The following ZFP14 variants were observed in gnomAD, a reference collection of about 807,000 sequenced individuals.
ZFP14 encodes the protein zinc finger protein 14 homolog.
Under a neutral mutation model 54.5 loss-of-function variants are expected in ZFP14, and 22 were observed. The observed-to-expected ratio is 0.40, with a 90% CI of 0.29 to 0.58. ZFP14 has a LOEUF of 0.58. Among genes scored for constraint, ZFP14 ranks in the 20% least tolerant of loss-of-function variants. The pLI is 0.39. For synonymous variants in ZFP14, 159 were observed against 204.0 expected, an observed-to-expected ratio of 0.78 and a Z score of 1.88; for missense variants, 470 against 637.8, an observed-to-expected ratio of 0.74 and a Z score of 2.83.
At chr19:36,349,234 A>G (rs2031475142) in intron 4 of ZFP14, among the ~76,000 whole-genome samples, 1 of 46,028 alleles carries the variant, frequency 2.2e-5, no homozygotes. Flanking sequence ...TCTGTCTCAA[A>G]AAAAAAAACA....
chr19:36,340,213 G>C lies in ZFP14; in HGVS notation c.*11C>G. On this transcript the variant is annotated 3_prime_UTR_variant, in exon 5 of 5. Transcript: ENST00000270001. The surrounding 1 kb of genome is among the most constrained non-coding windows in gnomAD (Gnocchi z 5.4). The stretch of plus-strand genomic sequence containing the variant: ...TCTGTAACATCATATACATTTGAAG[G>C]CTTTCTTCTATTAAATTCCATTATG... The C allele has an allele frequency of 1.3e-6, 2 of 1,544,858 alleles. No homozygotes were observed. Among genetic ancestry groups the C allele is most frequent in the Non-Finnish European group, 1.7e-6 (2 of 1,147,878 alleles).
chr19:36,369,975 T>C (rs1046273063), intron 1 of ZFP14, among the ~76,000 whole-genome samples: 1 of 152,156 alleles, frequency 6.6e-6, no homozygotes, highest in African/African-American at 2.4e-5. Flanking sequence ...GTTGGGACTA[T>C]AGTTGGGCAC....
chr19:36,340,677 T>G lies in ZFP14; in HGVS notation c.1149A>C (p.Leu383=). Residue 383 remains leucine (L), a synonymous_variant, in exon 5 of 5, where the codon CTA becomes CTC. Transcript: ENST00000270001. The surrounding 1 kb of genome is among the most constrained non-coding windows in gnomAD (Gnocchi z 5.4). Reference sequence around the variant, plus strand: ...GAGTATGTATTCTCTGATGGCGAACTAGTTGTTGTCTTAATCTAAAAGTCT... The same window carrying G: ...GAGTATGTATTCTCTGATGGCGAACGAGTTGTTGTCTTAATCTAAAAGTCT... ...CGKTFRLRQQ[L]VRHQRIHTRE... is the part of the protein sequence containing the mutation. 1 of 1,613,642 alleles carries G rather than the reference T, an allele frequency of 6.2e-7. No individual in the cohort carries two copies. Among genetic ancestry groups the G allele is most frequent in the South Asian group, 1.1e-5 (1 of 91,060 alleles).
chr19:36,354,713 C>G lies in ZFP14; in HGVS notation c.235+5722G>C, dbSNP rs2031585705. ...TCTACTTGCCAACTTCCATTCTCAC[C>G]CAGGCTGGAATGCAGCAGCGCGATC... On this transcript the variant is annotated intron_variant, in intron 4 of 4. Transcript: ENST00000270001. 1.2e-4 allele frequency among the ~76,000 whole-genome samples: 17 copies of G among 142,868 alleles called. No homozygotes were observed. In the Admixed American group the frequency reaches 1.2e-3, roughly 10 times the overall value. 93.7% of individuals were successfully genotyped at this position (142,868 alleles called of 152,430 possible). A position where few individuals can be genotyped will look rare whatever the true frequency, so the allele number is the denominator to read the frequency against.
At chr19:36,348,685 C>T (rs543587563) in intron 4 of ZFP14, among the ~76,000 whole-genome samples, 3 of 152,174 alleles carry the variant, frequency 2.0e-5, no homozygotes, top group East Asian at 1.9e-4. Context: ...TTGGTAGAGA[C>T]GGTTTCATCA....
chr19:36,351,736 G>A lies in ZFP14; in HGVS notation c.235+8699C>T, dbSNP rs140438765. On this transcript the variant is annotated intron_variant, in intron 4 of 4. Coordinates refer to ENST00000270001, the MANE Select transcript of ZFP14 (RefSeq NM_020917.3). ...TAGCCGGGCATGGTGGTGTGTACCC[G>A]TAGTCCTACCTACCCAAGAGGCTGA... Among the ~76,000 whole-genome samples the A allele has an allele frequency of 3.9e-3, 544 of 141,226 alleles. 69 individuals are homozygous for A. The highest frequency in any genetic ancestry group is 0.013 in the African/African-American group (505 of 38,488). 92.6% of individuals were successfully genotyped at this position (141,226 alleles called of 152,430 possible).
chr19:36,339,841 T>G lies in ZFP14; in HGVS notation c.*383A>C. The G allele has an allele frequency of 6.2e-6, 1 of 161,108 alleles. No homozygotes were observed. Among genetic ancestry groups the G allele is most frequent in the Admixed American group, 6.0e-5 (1 of 16,702 alleles). 10.0% of individuals were successfully genotyped at this position (161,108 alleles called of 1,614,324 possible). A position where few individuals can be genotyped will look rare whatever the true frequency, so the allele number is the denominator to read the frequency against. On this transcript the variant is annotated 3_prime_UTR_variant, in exon 5 of 5. Coordinates refer to ENST00000270001, the MANE Select transcript of ZFP14 (RefSeq NM_020917.3). Reference sequence around the variant, plus strand: ...TTATAAGATATAATTATATGTTATTTTATGCTACTAAGTCTGTGGTAATTT... The same window carrying G: ...TTATAAGATATAATTATATGTTATTGTATGCTACTAAGTCTGTGGTAATTT...
At chr19:36,363,193 T>TC (rs1440875803) in intron 2 of ZFP14, among the ~76,000 whole-genome samples, 180 of 134,166 alleles carry the variant, frequency 1.3e-3, no homozygotes, top group African/African-American at 4.7e-3. Context: ...TCTTTTCTTT[T>TC]TTTTTTTTTT....
chr19:36,352,670 G>A (rs1336992001), intron 4 of ZFP14, among the ~76,000 whole-genome samples: 2 of 141,906 alleles, frequency 1.4e-5, no homozygotes, highest in Non-Finnish European at 1.6e-5. Context: ...GGCTGGGCGC[G>A]GTGGCTCACA....
At chr19:36,361,996 G>T in intron 3 of ZFP14, 116 bp downstream of exon 3, 1 of 1,317,816 alleles carries the variant, frequency 7.6e-7, no homozygotes, top group Non-Finnish European at 1.0e-6. Flanking sequence ...GTTCCAACCT[G>T]ACAAAGCTTA....
chr19:36,366,091 C>A (rs892172260), intron 2 of ZFP14, among the ~76,000 whole-genome samples: 3 of 151,576 alleles, frequency 2.0e-5, no homozygotes, highest in African/African-American at 7.3e-5. Context: ...ATGGTGAAAC[C>A]CCGTCTCTAC....
chr19:36,355,120 C>T lies in ZFP14; in HGVS notation c.235+5315G>A, dbSNP rs2031592445. On this transcript the variant is annotated intron_variant, in intron 4 of 4. Coordinates refer to ENST00000270001, the MANE Select transcript of ZFP14 (RefSeq NM_020917.3). The stretch of plus-strand genomic sequence containing the variant: ...ACATCTGCTCCACTGGTGTCCAGCA[C>T]AACACCTAGTTCCAACTAGGCACTC... Among the ~76,000 whole-genome samples the T allele has an allele frequency of 1.4e-5, 2 of 143,758 alleles. 1 individual carries two copies. The highest frequency in any genetic ancestry group is 4.4e-4 in the South Asian group (2 of 4,580). The allele number at this position is 143,758 out of a possible 152,430, so 94.3% of individuals were successfully genotyped here. A position where few individuals can be genotyped will look rare whatever the true frequency, so the allele number is the denominator to read the frequency against.
chr19:36,341,789 C>T lies in ZFP14; in HGVS notation c.236-199G>A, dbSNP rs561460852. On this transcript the variant is annotated intron_variant, in intron 4 of 4. Transcript: ENST00000270001. The surrounding 1 kb of genome is among the most constrained non-coding windows in gnomAD (Gnocchi z 4.2). ...TGTACCTAAAAAACCTTATCTTCTA[C>T]AAAAGTACACACTAAAAATTACTGT... Among the ~76,000 whole-genome samples, 1 of 152,210 alleles carries T rather than the reference C, an allele frequency of 6.6e-6. No homozygotes were observed. Among genetic ancestry groups the T allele is most frequent in the South Asian group, 2.1e-4 (1 of 4,826 alleles).
chr19:36,339,120 T>G lies in ZFP14; in HGVS notation c.*1104A>C, dbSNP rs1009839152. 4 of 152,182 alleles carry G rather than the reference T, an allele frequency of 2.6e-5. No homozygotes were observed. Among genetic ancestry groups the G allele is most frequent in the Non-Finnish European group, 5.9e-5 (4 of 68,030 alleles). 9.4% of individuals were successfully genotyped at this position (152,182 alleles called of 1,614,324 possible). A position where few individuals can be genotyped will look rare whatever the true frequency, so the allele number is the denominator to read the frequency against. ...GAAGAACTTCCTACATTCACTACAATCTAAATTTTACCTAGAATAAATTAT... is the reference window on the plus strand; with the variant it reads ...GAAGAACTTCCTACATTCACTACAAGCTAAATTTTACCTAGAATAAATTAT... On this transcript the variant is annotated 3_prime_UTR_variant, in exon 5 of 5. Transcript: ENST00000270001.
chr19:36,341,231 G>A lies in ZFP14; in HGVS notation c.595C>T (p.Pro199Ser). ...TGCCCACATTCCTTACACTTATAAG[G>A]TTTCTCACCAGTATGAATTCTCAGG... is the stretch of plus-strand genomic sequence containing the variant. ...QHLRIHTGEK[P>S]YKCKECGQAF... The change falls in exon 5 of 5, where the codon CCT becomes TCT. Residue 199 changes from proline to serine, a missense_variant. Pro to Ser is a moderately conservative substitution (Grantham distance 74, BLOSUM62 -1). Coordinates refer to ENST00000270001, the MANE Select transcript of ZFP14 (RefSeq NM_020917.3). The surrounding 1 kb of genome is among the most constrained non-coding windows in gnomAD (Gnocchi z 4.2). 6.2e-7 allele frequency: 1 copy of A among 1,614,150 alleles called. No homozygotes were observed. Among genetic ancestry groups the A allele is most frequent in the South Asian group, 1.1e-5 (1 of 91,086 alleles).
At position 36,336,967 on chromosome 19, in the gene ZFP14, C is replaced by T. The variant is rs1277304736; in HGVS notation, c.*3257G>A. The T allele has an allele frequency of 6.6e-6, 1 of 151,994 alleles. No homozygotes were observed. Among genetic ancestry groups the T allele is most frequent in the Non-Finnish European group, 1.5e-5 (1 of 67,982 alleles). 9.4% of individuals were successfully genotyped at this position (151,994 alleles called of 1,614,324 possible). ...CTCTCTTTGCCAATTATTTCTTTTG[C>T]TAGAATATTTTAATCCAAATGTGTC... On this transcript the variant is annotated 3_prime_UTR_variant, in exon 5 of 5. Coordinates refer to ENST00000270001, the MANE Select transcript of ZFP14 (RefSeq NM_020917.3).
intron 1 of ZFP14, among the ~76,000 whole-genome samples, chr19:36,371,488 G>C (rs779312701): frequency 1.3e-5 from 2 of 152,038 alleles, no homozygotes; most frequent in Non-Finnish European, 2.9e-5. Flanking sequence ...ACCAAGCAGA[G>C]GAATGAATCT....
At position 36,367,970 on chromosome 19, in the gene ZFP14, A is replaced by C; in HGVS notation, c.-78T>G. On this transcript the variant is annotated splice_region_variant and 5_prime_UTR_variant, in exon 2 of 5. Coordinates refer to ENST00000270001, the MANE Select transcript of ZFP14 (RefSeq NM_020917.3). ...GAACTATGGAGTCCTGATAAGCCAG[A>C]GCTGAAAGAAGAAAAAGAAACCATG... is the stretch of plus-strand genomic sequence containing the variant. The C allele has an allele frequency of 6.8e-7, 1 of 1,480,290 alleles. No homozygotes were observed. The highest frequency in any genetic ancestry group is 9.1e-7 in the Non-Finnish European group (1 of 1,102,036). The allele number at this position is 1,480,290 out of a possible 1,614,324, so 91.7% of individuals were successfully genotyped here. A position where few individuals can be genotyped will look rare whatever the true frequency, so the allele number is the denominator to read the frequency against.
Position 36,340,148 on chromosome 19 carries a change from A to G in ZFP14, c.*76T>C. 7.9e-6 allele frequency: 11 copies of G among 1,384,562 alleles called. No homozygotes were observed. The highest frequency in any genetic ancestry group is 1.1e-5 in the Non-Finnish European group (11 of 1,039,488). 85.8% of individuals were successfully genotyped at this position (1,384,562 alleles called of 1,614,324 possible). A position where few individuals can be genotyped will look rare whatever the true frequency, so the allele number is the denominator to read the frequency against. ...ATAAAATTTATTATGCTTGGAATTG[A>G]GCATGAAACACATTTTCTCAAAAAT... On this transcript the variant is annotated 3_prime_UTR_variant, in exon 5 of 5. Coordinates refer to ENST00000270001, the MANE Select transcript of ZFP14 (RefSeq NM_020917.3). The surrounding 1 kb of genome is among the most constrained non-coding windows in gnomAD (Gnocchi z 5.4).
Sources: gnomAD v4.1 joint callset for allele counts (sites outside exome capture counted in the v4.1 genomes callset) on GRCh38, gnomAD v4.1.1 for gene constraint, Gnocchi (gnomAD v3.1) non-coding constraint, MANE v1.5 for transcripts, NCBI Gene and HGNC (gene_info 2026-07-23, HGNC 2026-07-21) for gene names.